CEACAM19: variants seen among roughly 807,000 people sequenced by gnomAD.
The protein encoded by CEACAM19 is CEA cell adhesion molecule 19, also known as cell adhesion molecule CEACAM19.
In CEACAM19, 37 loss-of-function variants were observed where a neutral mutation model predicts 37.6. The ratio of observed to expected loss-of-function variants is 0.98; its 90% CI spans 0.76 to 1.29. CEACAM19 has a LOEUF of 1.29. Ranked by LOEUF, CEACAM19 falls within the 50% of genes most tolerant of loss-of-function variation. The pLI is 0.00. For missense variants in CEACAM19, 340 were observed against 375.6 expected, an observed-to-expected ratio of 0.91 and a Z score of 0.78; for synonymous variants, 140 against 149.8, an observed-to-expected ratio of 0.93 and a Z score of 0.48.
intron 2 of CEACAM19, chr19:44,673,887 A>G (rs1345801617): frequency 6.6e-6 from 1 of 152,188 alleles, no homozygotes; most frequent in Admixed American, 6.5e-5. Flanking sequence ...TGCCATTTCC[A>G]CAGGACACAG....
Position 44,671,984 on chromosome 19 carries a change from C to G in CEACAM19, c.53C>G (p.Ser18Ter). Residue 18 changes from serine (S) to a stop codon, truncating the protein, a stop_gained and splice_region_variant, in exon 1 of 8, where the codon TCA (serine) becomes TGA (stop). Transcript: ENST00000358777. LOFTEE classifies it high-confidence loss of function. ...QGCFSKSLLL[S>*]ASILVLWMLQ... ...TGCTTCTCAAAGAGCCTCCTGCTCT[C>G]AGGTAAGGAGGAAATAGACCCTAAA... The G allele has an allele frequency of 6.2e-7, 1 of 1,603,072 alleles. No homozygotes were observed. Among genetic ancestry groups the G allele is most frequent in the Admixed American group, 1.7e-5 (1 of 59,000 alleles).
upstream of CEACAM19, among the ~76,000 whole-genome samples, chr19:44,668,749 TATAATATA>T (rs1973808867): frequency 3.7e-5 from 2 of 53,676 alleles, no homozygotes; most frequent in Non-Finnish European, 6.1e-5. Context: ...TATAATATAA[TATAATATA>T]ATATATATAA....
At chr19:44,674,289 C>T (rs1331369401) in intron 2 of CEACAM19, among the ~76,000 whole-genome samples, 1 of 149,336 alleles carries the variant, frequency 6.7e-6, no homozygotes, top group African/African-American at 2.5e-5. Context: ...CATGAGGGTA[C>T]AGCACTTGTA....
upstream of CEACAM19, among the ~76,000 whole-genome samples, chr19:44,668,492 TA>T (rs1424561251): frequency 5.7e-4 from 33 of 57,548 alleles, no homozygotes; most frequent in African/African-American, 2.4e-3. Flanking sequence ...ATATTATATA[TA>T]TTATATATAT....
intron 6 of CEACAM19, among the ~76,000 whole-genome samples, chr19:44,682,179 G>A (rs1419015676): frequency 1.3e-5 from 2 of 152,190 alleles, no homozygotes; most frequent in African/African-American, 4.8e-5. Context: ...GAGCCCAGGA[G>A]TTTGAGGCTG....
intron 4 of CEACAM19, among the ~76,000 whole-genome samples, chr19:44,679,761 TA>T (rs898877673): frequency 2.8e-5 from 3 of 108,968 alleles, no homozygotes; most frequent in Admixed American, 8.9e-5. Flanking sequence ...AAAAAAAAAT[TA>T]AAATAAAATA....
chr19:44,670,337 A>AGAATAACACACTTG (rs1313017991), upstream of CEACAM19, among the ~76,000 whole-genome samples: 3 of 150,728 alleles, frequency 2.0e-5, no homozygotes, highest in Middle Eastern at 3.5e-3. Context: ...AAAAAAAAAA[A>AGAATAACACACTTG]GAATAACACA....
At chr19:44,676,925 A>G (rs1228107328) in intron 3 of CEACAM19, among the ~76,000 whole-genome samples, 1 of 152,180 alleles carries the variant, frequency 6.6e-6, no homozygotes, top group African/African-American at 2.4e-5. Flanking sequence ...CCAAAAAACA[A>G]GGAATTGTTT....
intron 2 of CEACAM19, among the ~76,000 whole-genome samples, chr19:44,675,110 G>GTA (rs1447134116): frequency 6.6e-6 from 1 of 150,880 alleles, no homozygotes; most frequent in African/African-American, 2.4e-5. Flanking sequence ...GTGTGTGTGT[G>GTA]TGTGTGTGTG....
chr19:44,682,681 C>T (rs1974083465), intron 7 of CEACAM19, 61 bp downstream of exon 7: 13 of 1,506,146 alleles, frequency 8.6e-6, no homozygotes, highest in Non-Finnish European at 1.1e-5. Flanking sequence ...GCCCCGAAGC[C>T]GGGGTGGGGA....
intron 6 of CEACAM19, 126 bp downstream of exon 6, chr19:44,681,438 C>G (rs899888997): frequency 1.2e-5 from 7 of 590,116 alleles, no homozygotes; most frequent in Admixed American, 1.0e-4. Context: ...ATATATTGTT[C>G]CCTGTTTTTA....
At chr19:44,679,673 C>T (rs925391887) in intron 4 of CEACAM19, among the ~76,000 whole-genome samples, 4 of 151,994 alleles carry the variant, frequency 2.6e-5, no homozygotes, top group Non-Finnish European at 5.9e-5. Flanking sequence ...GGCATGAACC[C>T]GGGAGGCGGA....
At chr19:44,678,777 A>C in intron 3 of CEACAM19, 76 bp from the exon 4 acceptor site, 5 of 1,557,132 alleles carry the variant, frequency 3.2e-6, no homozygotes, top group Non-Finnish European at 4.4e-6. Context: ...TTTCCTTCAT[A>C]GGGAAGGATG....
Position 44,676,424 on chromosome 19 carries a change from A to AC in CEACAM19, c.575+4dup. On this transcript the variant is annotated splice_donor_region_variant and intron_variant, in intron 3 of 7. Transcript: ENST00000358777. ...AACTGGAGGGGCCAGAGCCACAGGT[A>AC]CAGGGTCCCCAAGTGTCCCTCTCCT... 6.2e-7 allele frequency: 1 copy of AC among 1,614,020 alleles called. No homozygotes were observed. Among genetic ancestry groups the AC allele is most frequent in the Non-Finnish European group, 8.5e-7 (1 of 1,179,988 alleles).
In CEACAM19 at chr19:44,681,359, G is replaced by A. The variant is rs201362009; in HGVS notation, c.792+47G>A. The A allele has an allele frequency of 7.1e-3, 9,478 of 1,329,438 alleles. 40 individuals carry two copies. Among genetic ancestry groups the A allele is most frequent in the Non-Finnish European group, 8.5e-3 (7,861 of 928,508 alleles). The allele number at this position is 1,329,438 out of a possible 1,614,324, so 82.4% of individuals were successfully genotyped here. On this transcript the variant is annotated intron_variant, in intron 6 of 7. Coordinates refer to ENST00000358777, the MANE Select transcript of CEACAM19 (RefSeq NM_001127893.3). ...TCCCCTGAAGCCAATGCTAACAGGC[G>A]CCTCCTCTCTGAGCTGGCTGTGGTC... is the stretch of plus-strand genomic sequence containing the variant.
chr19:44,668,179 TATATA>T (rs1039048937), upstream of CEACAM19, among the ~76,000 whole-genome samples: 28 of 86,382 alleles, frequency 3.2e-4, no homozygotes, highest in Admixed American at 1.5e-3. Flanking sequence ...TAGTATATTA[TATATA>T]ATATATTTTA....
At chr19:44,681,828 G>T (rs1974066200) in intron 6 of CEACAM19, among the ~76,000 whole-genome samples, 1 of 152,038 alleles carries the variant, frequency 6.6e-6, no homozygotes, top group Non-Finnish European at 1.5e-5. Flanking sequence ...TACTCGGGAG[G>T]CTGAGGAAGG....
chr19:44,679,074 C>T lies in CEACAM19; in HGVS notation c.659+138C>T, dbSNP rs1455563030. On this transcript the variant is annotated intron_variant, in intron 4 of 7. Coordinates refer to ENST00000358777, the MANE Select transcript of CEACAM19 (RefSeq NM_001127893.3). ...GTGGTGCGATCGTAGCTCACCGTAG[C>T]CTCGACCTCCCTGGTTCAAACTATC... 2.3e-6 allele frequency: 3 copies of T among 1,293,754 alleles called. No homozygotes were observed. In the South Asian group the frequency reaches 4.7e-5, roughly 20 times the overall value. 80.1% of individuals were successfully genotyped at this position (1,293,754 alleles called of 1,614,324 possible). A position where few individuals can be genotyped will look rare whatever the true frequency, so the allele number is the denominator to read the frequency against.
Position 44,679,904 on chromosome 19 carries a change from T to C in CEACAM19, c.660-384T>C, listed in dbSNP as rs564854820. Among the ~76,000 whole-genome samples the C allele has an allele frequency of 1.4e-3, 218 of 152,228 alleles. No individual in the cohort carries two copies. In the Middle Eastern group the frequency reaches 0.027, roughly 19 times the overall value. Reference sequence around the variant, plus strand: ...GAGATCACGCCATTGCACTCCAGCCTGGGCAACAGAGCGAGACTCTGTCTC... The same window carrying C: ...GAGATCACGCCATTGCACTCCAGCCCGGGCAACAGAGCGAGACTCTGTCTC... On this transcript the variant is annotated intron_variant, in intron 4 of 7. Coordinates refer to ENST00000358777, the MANE Select transcript of CEACAM19 (RefSeq NM_001127893.3).
Sources: allele counts gnomAD v4.1 joint callset (sites outside exome capture counted in the v4.1 genomes callset), GRCh38; gene constraint gnomAD v4.1.1; transcripts MANE v1.5; gene names NCBI Gene and HGNC (gene_info 2026-07-23, HGNC 2026-07-21).